Variants in ZRANB3 observed in about 807,000 individuals in gnomAD.
ZRANB3 encodes the protein zinc finger RANBP2-type containing 3, also known as DNA annealing helicase and endonuclease ZRANB3.
ZRANB3 carries 125 observed loss-of-function variants against 133.8 expected under a neutral mutation model. The observed-to-expected ratio is 0.93, with a 90% confidence interval of 0.81 to 1.08. ZRANB3 has a LOEUF of 1.08. ZRANB3 is among the 50% of genes least tolerant of loss of function. The pLI is 0.00. For synonymous variants in ZRANB3, 387 were observed against 432.7 expected, an observed-to-expected ratio of 0.89 and a Z score of 1.31; for missense variants, 1,229 against 1,275.5, an observed-to-expected ratio of 0.96 and a Z score of 0.56.
intron 2 of ZRANB3, among the ~76,000 whole-genome samples, chr2:135,489,918 G>A (rs889559189): frequency 5.9e-5 from 9 of 152,130 alleles, no homozygotes; most frequent in Non-Finnish European, 1.2e-4. Context: ...ACTGCTCTCA[G>A]TGTAATTCAA....
At chr2:135,263,463 C>A (rs536192415) in intron 12 of ZRANB3, among the ~76,000 whole-genome samples, 1 of 152,164 alleles carries the variant, frequency 6.6e-6, no homozygotes, top group Admixed American at 6.5e-5. Context: ...TTGAAAAGAG[C>A]CTAGAAGCAA....
intron 2 of ZRANB3, among the ~76,000 whole-genome samples, chr2:135,483,521 T>C (rs1691941399): frequency 6.6e-6 from 1 of 152,084 alleles, no homozygotes; most frequent in South Asian, 2.1e-4. Flanking sequence ...TTTATTAGTA[T>C]TGCTAGTGGT....
intron 3 of ZRANB3, among the ~76,000 whole-genome samples, chr2:135,355,976 GCCAGTCA>G (rs1293338007): frequency 2.0e-5 from 3 of 152,046 alleles, no homozygotes; most frequent in Non-Finnish European, 2.9e-5. Context: ...TTTACTTGGT[GCCAGTCA>G]CCTGTCTATC....
At chr2:135,480,012 C>T (rs986589843) in intron 2 of ZRANB3, among the ~76,000 whole-genome samples, 1 of 151,790 alleles carries the variant, frequency 6.6e-6, no homozygotes, top group Non-Finnish European at 1.5e-5. Context: ...CAGCTCACTG[C>T]AAGCTCCGCC....
chr2:135,304,309 G>T (rs568390785), intron 8 of ZRANB3, among the ~76,000 whole-genome samples: 1 of 152,074 alleles, frequency 6.6e-6, no homozygotes, highest in Non-Finnish European at 1.5e-5. Flanking sequence ...TGTCAGGAAT[G>T]GATATTGAAT....
At chr2:135,394,175 T>C (rs1246483506) in intron 2 of ZRANB3, among the ~76,000 whole-genome samples, 1 of 152,146 alleles carries the variant, frequency 6.6e-6, no homozygotes, top group East Asian at 1.9e-4. Context: ...ATGAATCTTA[T>C]ACTCAGCCGA....
intron 17 of ZRANB3, among the ~76,000 whole-genome samples, chr2:135,211,758 T>C (rs1053150485): frequency 5.9e-4 from 90 of 152,322 alleles, no homozygotes; most frequent in African/African-American, 2.1e-3. Flanking sequence ...AACCATATAT[T>C]TAACCAGTCT....
chr2:135,401,488 G>A (rs1574041775), intron 2 of ZRANB3, among the ~76,000 whole-genome samples: 1 of 152,144 alleles, frequency 6.6e-6, no homozygotes, highest in African/African-American at 2.4e-5. Context: ...CACCCTGTCG[G>A]TGGGGGGCCT....
In ZRANB3 at chr2:135,485,465, C is replaced by T. The variant is rs532225505; in HGVS notation, c.161+18864G>A. ...GATTCAGAAGATACAGGCATACCTC[C>T]AAGATTTTGTGAGTTCAGCCCAGAA... On this transcript the variant is annotated intron_variant, in intron 2 of 20. Coordinates refer to ENST00000264159, the MANE Select transcript of ZRANB3 (RefSeq NM_032143.4). 2.0e-5 allele frequency among the ~76,000 whole-genome samples: 3 copies of T among 152,274 alleles called. No homozygotes were observed. In the East Asian group the frequency reaches 5.8e-4, roughly 29 times the overall value.
At chr2:135,383,570 CT>C (rs1686824247) in intron 3 of ZRANB3, among the ~76,000 whole-genome samples, 1 of 152,114 alleles carries the variant, frequency 6.6e-6, no homozygotes, top group African/African-American at 2.4e-5. Context: ...ACCTCACTTA[CT>C]CCAAAATTGA....
intron 2 of ZRANB3, among the ~76,000 whole-genome samples, chr2:135,391,155 G>A (rs192394356): frequency 1.9e-3 from 292 of 152,252 alleles, no homozygotes; most frequent in African/African-American, 6.6e-3. Context: ...AACTGTGCCC[G>A]GCCAAAGTGA....
chr2:135,494,780 A>C (rs946412635), intron 2 of ZRANB3, among the ~76,000 whole-genome samples: 3 of 152,222 alleles, frequency 2.0e-5, no homozygotes, highest in Non-Finnish European at 4.4e-5. Flanking sequence ...AGTTGAGGCC[A>C]GTGTCATGAA....
In ZRANB3 at chr2:135,414,165, GA is replaced by G. The variant is rs1188332699; in HGVS notation, c.162-23346del. Among the ~76,000 whole-genome samples the G allele has an allele frequency of 7.9e-5, 12 of 152,236 alleles. No individual in the cohort carries two copies. The East Asian group carries it at 2.3e-3, about 29-fold the overall frequency. ...TTAAAAGACACAGACTGGCAAATTG[GA>G]TAAAGAGTCAAGACCCATCAGTGTG... On this transcript the variant is annotated intron_variant, in intron 2 of 20. Transcript: ENST00000264159.
intron 8 of ZRANB3, among the ~76,000 whole-genome samples, chr2:135,306,993 T>C (rs1420434055): frequency 1.3e-5 from 2 of 152,204 alleles, no homozygotes; most frequent in Non-Finnish European, 2.9e-5. Flanking sequence ...CTCAAACTGC[T>C]GGCATTACAG....
chr2:135,249,123 A>G lies in ZRANB3; in HGVS notation c.1539+16411T>C, dbSNP rs891985917. On this transcript the variant is annotated intron_variant, in intron 12 of 20. Transcript: ENST00000264159. ...CAGATGTGGGCAAGGTTGCAGAGAA[A>G]AGGGAACACATACACTGTTGGTGGG... Among the ~76,000 whole-genome samples the G allele has an allele frequency of 2.6e-5, 4 of 152,266 alleles. No individual in the cohort carries two copies. In the South Asian group the frequency reaches 8.3e-4, roughly 31 times the overall value.
intron 19 of ZRANB3, among the ~76,000 whole-genome samples, chr2:135,203,609 T>A (rs1693721785): frequency 8.8e-6 from 1 of 113,304 alleles, no homozygotes. Context: ...ACAGACTCGG[T>A]CTCAAAAAAA....
chr2:135,227,996 G>A lies in ZRANB3; in HGVS notation c.1974C>T (p.Leu658=), dbSNP rs1694825477. The change falls in exon 14 of 21, where the codon CTC becomes CTT. Residue 658 remains leucine, a synonymous_variant. Transcript: ENST00000264159. ...QGSAVMQIDS[L]NHIQDKNEKD... Reference sequence around the variant, plus strand: ...TCTCGTTTTTATCCTGGATATGGTTGAGGCTATCTATTTGCATAACTATTA... The same window carrying A: ...TCTCGTTTTTATCCTGGATATGGTTAAGGCTATCTATTTGCATAACTATTA... The A allele has an allele frequency of 6.5e-7, 1 of 1,547,116 alleles. No individual in the cohort carries two copies. Among genetic ancestry groups the A allele is most frequent in the Non-Finnish European group, 8.7e-7 (1 of 1,145,368 alleles).
At position 135,207,460 on chromosome 2, in the gene ZRANB3, A is replaced by T; in HGVS notation, c.2983T>A (p.Trp995Arg). Residue 995 changes from tryptophan to arginine, a missense_variant, in exon 19 of 21, where the codon TGG becomes AGG. Transcript: ENST00000264159. ...SQRKNLLYATWTSKLPLEQLN... is the reference protein window; with the variant it reads ...SQRKNLLYATRTSKLPLEQLN... ...TGTTCTAATGGGAGCTTTGAAGTCC[A>T]GGTAGCATACAGAAGATTCTTCCTC... 1.2e-6 allele frequency: 2 copies of T among 1,612,904 alleles called. No individual in the cohort carries two copies. The highest frequency in any genetic ancestry group is 1.7e-6 in the Non-Finnish European group (2 of 1,179,304).
chr2:135,511,024 G>A (rs1197633145), intron 1 of ZRANB3: 14 of 779,956 alleles, frequency 1.8e-5, no homozygotes, highest in Admixed American at 3.4e-5. Context: ...ATATTTCTTC[G>A]TTGTTCTCAC....
Sources: gnomAD v4.1 joint callset for allele counts (sites outside exome capture counted in the v4.1 genomes callset) on GRCh38, gnomAD v4.1.1 for gene constraint, MANE v1.5 for transcripts, NCBI Gene and HGNC (gene_info 2026-07-23, HGNC 2026-07-21) for gene names.